MYLK: variants seen among roughly 807,000 people sequenced by gnomAD.
The protein encoded by MYLK is myosin light chain kinase, smooth muscle.
In MYLK, 106 loss-of-function variants were observed where a neutral mutation model predicts 203.4. The observed-to-expected ratio is 0.52, with a 90% CI of 0.45 to 0.61. MYLK has a LOEUF of 0.61. Among genes scored for constraint, MYLK ranks in the 20% least tolerant of loss-of-function variants. The pLI is 0.00. For missense variants in MYLK, 2,072 were observed against 2,442.3 expected, an observed-to-expected ratio of 0.85 and a Z score of 3.20; for synonymous variants, 867 against 959.5, an observed-to-expected ratio of 0.90 and a Z score of 1.78.
chr3:123,668,873 T>A (rs2059823324), intron 20 of MYLK, among the ~76,000 whole-genome samples: 2 of 152,240 alleles, frequency 1.3e-5, no homozygotes, highest in Non-Finnish European at 2.9e-5. Flanking sequence ...AACTGTGAGC[T>A]TTTTGAGGCC....
In MYLK at chr3:123,640,859, G is replaced by T. The variant is rs2058809400; in HGVS notation, c.4620-355C>A. Among the ~76,000 whole-genome samples, 1 of 152,192 alleles carries T rather than the reference G, an allele frequency of 6.6e-6. No homozygotes were observed. Among genetic ancestry groups the T allele is most frequent in the South Asian group, 2.1e-4 (1 of 4,830 alleles). Reference sequence around the variant, plus strand: ...CCCTCAAATGACCACACATGCCTAAGGGAACATTCTTGTACTCTAGCCGTG... The same window carrying T: ...CCCTCAAATGACCACACATGCCTAATGGAACATTCTTGTACTCTAGCCGTG... On this transcript the variant is annotated intron_variant, in intron 27 of 33. Transcript: ENST00000360304. This position sits in a 1 kb window ranked among gnomAD's most constrained non-coding sequence, Gnocchi z 4.3.
chr3:123,671,053 A>G (rs750823455), intron 20 of MYLK, among the ~76,000 whole-genome samples: 4 of 152,258 alleles, frequency 2.6e-5, no homozygotes, highest in Non-Finnish European at 4.4e-5. Context: ...GAAGGCACTG[A>G]TCAAGATCCA....
chr3:123,635,592 C>T (rs1389926863), intron 29 of MYLK, among the ~76,000 whole-genome samples: 1 of 152,208 alleles, frequency 6.6e-6, no homozygotes, highest in African/African-American at 2.4e-5. Context: ...TCAAAACTAT[C>T]TTCTCCCCAT....
chr3:123,875,099 A>G (rs1451460744), intron 2 of MYLK, among the ~76,000 whole-genome samples: 2 of 152,162 alleles, frequency 1.3e-5, no homozygotes, highest in Non-Finnish European at 2.9e-5. Context: ...CATACCTCCC[A>G]GAAACCCCAA....
intron 4 of MYLK, among the ~76,000 whole-genome samples, chr3:123,785,705 T>C (rs1373801269): frequency 6.6e-6 from 1 of 152,260 alleles, no homozygotes; most frequent in African/African-American, 2.4e-5. Flanking sequence ...CAATCAGCCC[T>C]GTCCGAAAGG....
intron 1 of MYLK, among the ~76,000 whole-genome samples, chr3:123,882,903 G>A (rs2682229): frequency 0.84 from 128,428 of 152,206 alleles, 54,540 homozygotes; most frequent in East Asian, 0.96. Flanking sequence ...AGAGAATCAC[G>A]GAAGAGAGAA....
At chr3:123,867,421 CAA>C (rs4048400) in intron 2 of MYLK, among the ~76,000 whole-genome samples, 37 of 68,674 alleles carry the variant, frequency 5.4e-4, no homozygotes, top group East Asian at 5.8e-4. Context: ...GACTAGTATC[CAA>C]AAAAAAAAAA....
intron 4 of MYLK, among the ~76,000 whole-genome samples, chr3:123,790,222 T>C (rs973948851): frequency 1.3e-5 from 2 of 152,132 alleles, no homozygotes; most frequent in African/African-American, 4.8e-5. Flanking sequence ...AAGGGTGAAA[T>C]ATGAGAGCAC....
At chr3:123,813,051 T>C (rs1051918401) in intron 3 of MYLK, among the ~76,000 whole-genome samples, 26 of 152,150 alleles carry the variant, frequency 1.7e-4, no homozygotes, top group African/African-American at 1.9e-4. Context: ...ACAGAGCCGA[T>C]AGAAGAAAGG....
At chr3:123,841,792 T>C (rs1287083497) in intron 2 of MYLK, among the ~76,000 whole-genome samples, 1 of 152,154 alleles carries the variant, frequency 6.6e-6, no homozygotes, top group African/African-American at 2.4e-5. Flanking sequence ...TTAGAGAGTC[T>C]GAGAGTGTCA....
chr3:123,742,292 T>C (rs957659638), intron 5 of MYLK, among the ~76,000 whole-genome samples: 1 of 152,218 alleles, frequency 6.6e-6, no homozygotes, highest in Non-Finnish European at 1.5e-5. Flanking sequence ...GGTATTTAAA[T>C]ATTTGTTAAA....
intron 29 of MYLK, among the ~76,000 whole-genome samples, chr3:123,630,082 G>A: frequency 6.6e-6 from 1 of 152,040 alleles, no homozygotes; most frequent in East Asian, 1.9e-4. Context: ...CACACCTTCA[G>A]CTCCAAGAAG....
rs1347384459 is a variant in MYLK, at chr3:123,739,025, T to C, written c.460A>G (p.Ser154Gly). ...FSAPAVETRP[S>G]IWGECPPKFA... is the part of the protein sequence containing the mutation. ...TTTGGTGGGCACTCCCCCCAGATGC[T>C]AGGACGGGTCTCCACTGCTGGAGCT... is the stretch of plus-strand genomic sequence containing the variant. Residue 154 changes from serine to glycine, a missense_variant, in exon 7 of 34, where the codon AGC (serine) becomes GGC (glycine). Coordinates refer to ENST00000360304, the MANE Select transcript of MYLK (RefSeq NM_053025.4). 2 of 1,613,796 alleles carry C rather than the reference T, an allele frequency of 1.2e-6. No homozygotes were observed. Among genetic ancestry groups the C allele is most frequent in the Non-Finnish European group, 1.7e-6 (2 of 1,179,974 alleles).
At chr3:123,760,583 T>G (rs554077992) in intron 4 of MYLK, among the ~76,000 whole-genome samples, 5 of 152,346 alleles carry the variant, frequency 3.3e-5, no homozygotes, top group African/African-American at 1.2e-4. Context: ...ACAATTTTTT[T>G]TTTATAATGA....
intron 2 of MYLK, among the ~76,000 whole-genome samples, chr3:123,837,461 T>C (rs964563184): frequency 6.8e-6 from 1 of 148,132 alleles, no homozygotes; most frequent in Non-Finnish European, 1.5e-5. Context: ...TGAAGTTGTA[T>C]ATATTATATA....
Position 123,731,300 on chromosome 3 carries a change from A to C in MYLK, c.1516+1596T>G, listed in dbSNP as rs1027015329. Among the ~76,000 whole-genome samples the C allele has an allele frequency of 2.6e-5, 4 of 152,244 alleles. No homozygotes were observed. In the East Asian group the frequency reaches 7.7e-4, roughly 29 times the overall value. On this transcript the variant is annotated intron_variant, in intron 11 of 33. Coordinates refer to ENST00000360304, the MANE Select transcript of MYLK (RefSeq NM_053025.4). Reference sequence around the variant, plus strand: ...CCAGTGAATCAACAGTATACAGTGAAAAGTAAGATGCCCCATTCCTTCCTG... The same window carrying C: ...CCAGTGAATCAACAGTATACAGTGACAAGTAAGATGCCCCATTCCTTCCTG...
At chr3:123,669,062 A>G (rs752277737) in intron 20 of MYLK, among the ~76,000 whole-genome samples, 14 of 152,238 alleles carry the variant, frequency 9.2e-5, no homozygotes, top group Non-Finnish European at 1.6e-4. Flanking sequence ...CAGGCAAATT[A>G]GTAACTTGTG....
At chr3:123,848,707 C>T (rs894602542) in intron 2 of MYLK, among the ~76,000 whole-genome samples, 1 of 152,112 alleles carries the variant, frequency 6.6e-6, no homozygotes, top group Non-Finnish European at 1.5e-5. Context: ...AATGTGAATG[C>T]TAAACTGGAA....
intron 18 of MYLK, among the ~76,000 whole-genome samples, chr3:123,696,642 T>G: frequency 6.6e-6 from 1 of 152,072 alleles, no homozygotes. Context: ...AGGCAACAGG[T>G]GCCATTACTT....
Sources: allele counts gnomAD v4.1 joint callset (sites outside exome capture counted in the v4.1 genomes callset), GRCh38; gene constraint gnomAD v4.1.1; non-coding constraint Gnocchi (gnomAD v3.1); transcripts MANE v1.5; gene names NCBI Gene and HGNC (gene_info 2026-07-23, HGNC 2026-07-21).